The following CPED1 variants were observed in gnomAD, a reference collection of about 807,000 sequenced individuals.
CPED1 encodes cadherin like and PC-esterase domain containing 1.
In CPED1, 114 loss-of-function variants were observed where a neutral mutation model predicts 128.2. The ratio of observed to expected loss-of-function variants is 0.89; its 90% CI spans 0.76 to 1.04. CPED1 has a LOEUF of 1.04. CPED1 is among the 50% of genes least tolerant of loss of function. The probability of loss-of-function intolerance (pLI) is 0.00; values close to 1 mark genes in which losing one functional copy is unlikely to be tolerated. For synonymous variants in CPED1, 462 were observed against 426.7 expected (o/e 1.08, Z -1.02); for missense variants, 1,211 against 1,207.1 (o/e 1.00, Z -0.05).
intron 2 of CPED1, among the ~76,000 whole-genome samples, chr7:121,006,994 T>A (rs1012374835): frequency 6.6e-6 from 1 of 152,120 alleles, no homozygotes; most frequent in African/African-American, 2.4e-5. Flanking sequence ...CAGACAACAA[T>A]GAACACCAGG....
intron 3 of CPED1, among the ~76,000 whole-genome samples, chr7:121,030,761 A>G (rs1283060999): frequency 6.6e-6 from 1 of 152,242 alleles, no homozygotes; most frequent in East Asian, 1.9e-4. Context: ...GGAAAAAAAT[A>G]GTATTTTATA....
intron 2 of CPED1, among the ~76,000 whole-genome samples, chr7:120,995,920 TCC>T: frequency 6.8e-6 from 1 of 146,942 alleles, no homozygotes; most frequent in Non-Finnish European, 1.5e-5. Flanking sequence ...CTTCTCCTTC[TCC>T]TCCTCCTTCT....
chr7:121,200,456 A>G (rs575670282), intron 16 of CPED1, among the ~76,000 whole-genome samples: 1 of 152,106 alleles, frequency 6.6e-6, no homozygotes, highest in African/African-American at 2.4e-5. Flanking sequence ...TATACTGTGG[A>G]AAATGCTGAT....
At position 121,198,316 on chromosome 7, in the gene CPED1, G is replaced by T. The variant is rs1797314937; in HGVS notation, c.2056-38398G>T. Among the ~76,000 whole-genome samples the T allele has an allele frequency of 2.0e-5, 3 of 152,048 alleles. No individual in the cohort carries two copies. The South Asian group carries it at 6.2e-4, about 32-fold the overall frequency. On this transcript the variant is annotated intron_variant, in intron 16 of 22. Transcript: ENST00000310396. ...AGTGTCATGAGCACACATCTTTTTT[G>T]ATGCCTTTTTATAGCTTCTTAGATA...
At chr7:121,029,483 G>A (rs1215365952) in intron 3 of CPED1, among the ~76,000 whole-genome samples, 1 of 152,150 alleles carries the variant, frequency 6.6e-6, no homozygotes, top group African/African-American at 2.4e-5. Context: ...ATTGTTATTT[G>A]TGTCATATTA....
Position 121,277,648 on chromosome 7 carries a change from AG to A in CPED1, c.2868+6219del, listed in dbSNP as rs1289782308. Among the ~76,000 whole-genome samples the A allele has an allele frequency of 2.6e-5, 4 of 152,216 alleles. No homozygotes were observed. The East Asian group carries it at 7.7e-4, about 29-fold the overall frequency. ...GCACTTAGCCCTGAATCCTCCTCTG[AG>A]ACGGCTTTGCCTCCTGCTGTTCCCC... is the stretch of plus-strand genomic sequence containing the variant. On this transcript the variant is annotated intron_variant, in intron 22 of 22. Transcript: ENST00000310396.
chr7:121,151,282 G>A (rs1796153294), intron 16 of CPED1, among the ~76,000 whole-genome samples: 1 of 152,144 alleles, frequency 6.6e-6, no homozygotes, highest in Non-Finnish European at 1.5e-5. Context: ...GGTATGAAAA[G>A]TGCCAGGTAA....
intron 15 of CPED1, 33 bp from the exon 16 acceptor site, chr7:121,141,940 A>G (rs1795913723): frequency 6.3e-7 from 1 of 1,584,500 alleles, no homozygotes; most frequent in Non-Finnish European, 8.7e-7. Context: ...TCCCCTATTC[A>G]TATTCTATTT....
rs1370785524 is a variant in CPED1, at chr7:121,120,986, AAC to A, written c.919-3343_919-3342del. On this transcript the variant is annotated intron_variant, in intron 7 of 22. Transcript: ENST00000310396. Reference sequence around the variant, plus strand: ...TGACCTAAAAAAAAAAAAAAAAAAAAACAAAAAAACTCACAGTCTAGCAGAAA... The same window carrying A: ...TGACCTAAAAAAAAAAAAAAAAAAAAAAAAAAACTCACAGTCTAGCAGAAA... Among the ~76,000 whole-genome samples the A allele has an allele frequency of 4.4e-4, 61 of 139,576 alleles. 7 individuals carry two copies. Among genetic ancestry groups the A allele is most frequent in the African/African-American group, 8.5e-4 (31 of 36,456 alleles). 91.6% of individuals were successfully genotyped at this position (139,576 alleles called of 152,430 possible).
chr7:121,104,218 T>G (rs1056116384), intron 7 of CPED1, among the ~76,000 whole-genome samples: 15 of 152,164 alleles, frequency 9.9e-5, no homozygotes, highest in South Asian at 8.3e-4. Context: ...ATATTTTATT[T>G]TAAAATGTCT....
intron 5 of CPED1, among the ~76,000 whole-genome samples, chr7:121,085,890 G>A (rs1008643018): frequency 2.6e-5 from 4 of 152,254 alleles, no homozygotes; most frequent in African/African-American, 4.8e-5. Flanking sequence ...ACAATGTCCC[G>A]ACTGAGCCTG....
chr7:121,251,266 C>A (rs993478094), intron 18 of CPED1, among the ~76,000 whole-genome samples: 1 of 152,100 alleles, frequency 6.6e-6, no homozygotes, highest in Non-Finnish European at 1.5e-5. Context: ...AATTCAACAA[C>A]CCTTCATGCT....
Position 121,290,359 on chromosome 7 carries a change from C to G in CPED1, c.2869-5081C>G, listed in dbSNP as rs1426285957. 3.3e-5 allele frequency among the ~76,000 whole-genome samples: 5 copies of G among 152,278 alleles called. No homozygotes were observed. In the East Asian group the frequency reaches 9.6e-4, roughly 29 times the overall value. ...GCTAGGTCAAATGGTATTTCTAGTT[C>G]TAGATCCTTGAGGAATCACCACACT... On this transcript the variant is annotated intron_variant, in intron 22 of 22. Coordinates refer to ENST00000310396, the MANE Select transcript of CPED1 (RefSeq NM_024913.5).
At chr7:121,188,631 T>C (rs1471595640) in intron 16 of CPED1, among the ~76,000 whole-genome samples, 2 of 151,832 alleles carry the variant, frequency 1.3e-5, no homozygotes, top group East Asian at 3.9e-4. Context: ...GATCATAACA[T>C]TTAGAGATGG....
chr7:121,052,859 T>A (rs1269156481), intron 4 of CPED1, among the ~76,000 whole-genome samples: 1 of 152,104 alleles, frequency 6.6e-6, no homozygotes, highest in Non-Finnish European at 1.5e-5. Context: ...GTAGCTGGGA[T>A]TACAGGCATG....
At chr7:121,003,844 A>G (rs2116771272) in intron 2 of CPED1, among the ~76,000 whole-genome samples, 1 of 152,332 alleles carries the variant, frequency 6.6e-6, no homozygotes, top group East Asian at 1.9e-4. Flanking sequence ...TGAAAGGACC[A>G]GATAAGAAGG....
intron 16 of CPED1, among the ~76,000 whole-genome samples, chr7:121,151,626 A>G (rs538203358): frequency 3.3e-4 from 51 of 152,366 alleles, no homozygotes; most frequent in African/African-American, 1.1e-3. Context: ...ATATCTGTAA[A>G]GGGCTACTAG....
At chr7:121,051,902 C>T (rs1793363260) in intron 4 of CPED1, 1 of 157,260 alleles carries the variant, frequency 6.4e-6, no homozygotes, top group South Asian at 1.9e-4. Context: ...AAAAGAATTA[C>T]AATACGTGGC....
Position 121,225,616 on chromosome 7 carries a change from A to T in CPED1, c.2056-11098A>T, listed in dbSNP as rs189445336. ...TCTCCCCATCACTTTCAGGTACACC[A>T]ATCAAACATAGATTTGGTCTTTTCA... On this transcript the variant is annotated intron_variant, in intron 16 of 22. Transcript: ENST00000310396. 2.6e-3 allele frequency among the ~76,000 whole-genome samples: 400 copies of T among 152,270 alleles called. 3 individuals carry two copies. Among genetic ancestry groups the T allele is most frequent in the African/African-American group, 9.4e-3 (389 of 41,562 alleles).
Sources: gnomAD v4.1 joint callset for allele counts (sites outside exome capture counted in the v4.1 genomes callset) on GRCh38, gnomAD v4.1.1 for gene constraint, MANE v1.5 for transcripts, NCBI Gene and HGNC (gene_info 2026-07-23, HGNC 2026-07-21) for gene names.